Variants in ADAM12 observed in about 807,000 individuals in gnomAD.
ADAM12 encodes the protein ADAM metallopeptidase domain 12.
ADAM12 carries 70 observed loss-of-function variants against 106.4 expected under a neutral mutation model. The observed-to-expected ratio is 0.66, with a 90% CI of 0.54 to 0.80. The LOEUF (loss-of-function observed/expected upper bound fraction) is 0.80. Ranked by LOEUF, ADAM12 falls within the 30% of genes least tolerant of loss-of-function variation. The pLI is 0.00. For synonymous variants in ADAM12, 420 were observed against 433.5 expected, an observed-to-expected ratio of 0.97 and a Z score of 0.39; for missense variants, 1,010 against 1,171.9, an observed-to-expected ratio of 0.86 and a Z score of 2.02.
chr10:126,206,865 G>GGC lies in ADAM12; in HGVS notation c.261-51561_261-51560insGC, dbSNP rs1554986910. Among the ~76,000 whole-genome samples the GGC allele has an allele frequency of 2.1e-5, 3 of 144,418 alleles. 1 individual carries two copies. The highest frequency in any genetic ancestry group is 4.7e-5 in the Non-Finnish European group (3 of 64,514). The allele number at this position is 144,418 out of a possible 152,430, so 94.7% of individuals were successfully genotyped here. A position where few individuals can be genotyped will look rare whatever the true frequency, so the allele number is the denominator to read the frequency against. ...ATTCCCATGTGTTGTGGGGGCGGGG[G>GGC]GGAGCCAGTGGGAGGTAATTGAATC... On this transcript the variant is annotated intron_variant, in intron 3 of 22. Transcript: ENST00000448723.
intron 1 of ADAM12, among the ~76,000 whole-genome samples, chr10:126,335,475 G>T (rs1854667632): frequency 6.6e-6 from 1 of 152,152 alleles, no homozygotes; most frequent in Non-Finnish European, 1.5e-5. Flanking sequence ...AATTTTTTTA[G>T]CCCCTAAATA....
At chr10:126,132,350 C>A (rs116126860) in intron 5 of ADAM12, among the ~76,000 whole-genome samples, 2 of 152,166 alleles carry the variant, frequency 1.3e-5, no homozygotes, top group Non-Finnish European at 2.9e-5. Flanking sequence ...CAACACATGA[C>A]CTTTGAAGAA....
chr10:126,087,563 T>C (rs980168916), intron 11 of ADAM12, among the ~76,000 whole-genome samples: 5 of 152,212 alleles, frequency 3.3e-5, no homozygotes, highest in African/African-American at 1.2e-4. Context: ...CTTAAACTTT[T>C]CATTGAGAAA....
At chr10:126,104,334 T>C (rs1458966555) in intron 8 of ADAM12, among the ~76,000 whole-genome samples, 1 of 151,300 alleles carries the variant, frequency 6.6e-6, no homozygotes, top group Non-Finnish European at 1.5e-5. Flanking sequence ...CCTGTAATCC[T>C]AGCTACTCGG....
chr10:126,227,070 C>T (rs114521324), intron 3 of ADAM12, among the ~76,000 whole-genome samples: 1 of 152,262 alleles, frequency 6.6e-6, no homozygotes, highest in African/African-American at 2.4e-5. Context: ...ATCATCAATA[C>T]TTGCCCTGTC....
chr10:126,018,699 G>A (rs768230397), intron 22 of ADAM12, among the ~76,000 whole-genome samples: 9 of 152,140 alleles, frequency 5.9e-5, no homozygotes, highest in African/African-American at 2.2e-4. Flanking sequence ...ACCAGGGTAA[G>A]CTGGCTCCCC....
At chr10:126,135,783 T>C in intron 4 of ADAM12, 123 bp from the exon 5 acceptor site, 1 of 849,388 alleles carries the variant, frequency 1.2e-6, no homozygotes, top group Non-Finnish European at 1.9e-6. Context: ...TGTTCTACAG[T>C]CTTAATATTT....
intron 3 of ADAM12, among the ~76,000 whole-genome samples, chr10:126,229,370 C>A (rs759737623): frequency 6.6e-6 from 1 of 152,176 alleles, no homozygotes; most frequent in Non-Finnish European, 1.5e-5. Flanking sequence ...CTGGGCATGG[C>A]AGTTCTGAGG....
intron 2 of ADAM12, among the ~76,000 whole-genome samples, chr10:126,291,674 G>A (rs1248196137): frequency 6.6e-6 from 1 of 152,190 alleles, no homozygotes; most frequent in Admixed American, 6.5e-5. Flanking sequence ...GGTGCACGCT[G>A]AGGCTGGAGG....
Position 126,155,297 on chromosome 10 carries a change from A to G in ADAM12, c.269T>C (p.Ile90Thr), listed in dbSNP as rs1162816729. Residue 90 changes from isoleucine to threonine, a missense_variant, in exon 4 of 23, where the codon ATT becomes ACT. Transcript: ENST00000448723. ...GTGGGTTTCCGTGAAACTGCTGGCA[A>G]TGAGACCTCTGCGGAAAAACAAAAA... Reference protein sequence around the residue: ...IINLERNEGLIASSFTETHYL... With the variant: ...IINLERNEGLTASSFTETHYL... 1.9e-6 allele frequency: 3 copies of G among 1,613,964 alleles called. No individual in the cohort carries two copies. Among genetic ancestry groups the G allele is most frequent in the South Asian group, 1.1e-5 (1 of 91,076 alleles).
intron 3 of ADAM12, among the ~76,000 whole-genome samples, chr10:126,203,652 A>G (rs921536427): frequency 2.0e-5 from 3 of 152,202 alleles, no homozygotes; most frequent in Non-Finnish European, 4.4e-5. Flanking sequence ...TACCCTAAAT[A>G]CCCTTTGCTT....
chr10:126,082,981 G>C (rs893449907), intron 11 of ADAM12, among the ~76,000 whole-genome samples: 3 of 152,220 alleles, frequency 2.0e-5, no homozygotes, highest in Non-Finnish European at 4.4e-5. Flanking sequence ...ACCACACACA[G>C]AATTTATGTG....
At chr10:126,172,109 C>T (rs1957130521) in intron 3 of ADAM12, among the ~76,000 whole-genome samples, 1 of 152,180 alleles carries the variant, frequency 6.6e-6, no homozygotes, top group Non-Finnish European at 1.5e-5. Flanking sequence ...GATCTCCAAA[C>T]TTACTGAATT....
chr10:126,023,108 T>C (rs1211717403), intron 21 of ADAM12, among the ~76,000 whole-genome samples: 1 of 152,236 alleles, frequency 6.6e-6, no homozygotes, highest in Admixed American at 6.5e-5. Flanking sequence ...ATGCCAGAGA[T>C]GCCCCAGAGA....
intron 3 of ADAM12, among the ~76,000 whole-genome samples, chr10:126,164,268 CAA>C (rs779643842): frequency 6.6e-6 from 1 of 152,186 alleles, no homozygotes; most frequent in Non-Finnish European, 1.5e-5. Context: ...CAAAGTGTCA[CAA>C]GACAGTTCTT....
intron 2 of ADAM12, among the ~76,000 whole-genome samples, chr10:126,323,655 A>C (rs911952496): frequency 1.3e-5 from 2 of 152,174 alleles, no homozygotes; most frequent in Non-Finnish European, 2.9e-5. Flanking sequence ...GCCCTGAGGG[A>C]GGGCACAGGC....
chr10:126,131,163 A>C (rs1325399557), intron 5 of ADAM12, among the ~76,000 whole-genome samples: 3 of 126,832 alleles, frequency 2.4e-5, no homozygotes, highest in Admixed American at 9.2e-5. Flanking sequence ...TCTTTGGTAC[A>C]TTCACCCCTT....
Position 126,064,015 on chromosome 10 carries a change from G to A in ADAM12, c.1609+791C>T, listed in dbSNP as rs1339648600. On this transcript the variant is annotated intron_variant, in intron 14 of 22. Transcript: ENST00000448723. The surrounding 1 kb of genome is among the most constrained non-coding windows in gnomAD (Gnocchi z 4.4). Reference sequence around the variant, plus strand: ...TGGGCATTGGGTCACAGTAACCCAGGTTCAAATCCTAGCCCGGAGACCTGG... The same window carrying A: ...TGGGCATTGGGTCACAGTAACCCAGATTCAAATCCTAGCCCGGAGACCTGG... Among the ~76,000 whole-genome samples the A allele has an allele frequency of 6.6e-6, 1 of 152,194 alleles. No individual in the cohort carries two copies. The highest frequency in any genetic ancestry group is 1.5e-5 in the Non-Finnish European group (1 of 68,036).
intron 3 of ADAM12, among the ~76,000 whole-genome samples, chr10:126,242,219 T>G (rs1355392723): frequency 1.3e-5 from 2 of 152,214 alleles, no homozygotes; most frequent in African/African-American, 4.8e-5. Context: ...TCCTAACACT[T>G]TAGTTTTAAG....
Sources: gnomAD v4.1 joint callset for allele counts (sites outside exome capture counted in the v4.1 genomes callset) on GRCh38, gnomAD v4.1.1 for gene constraint, Gnocchi (gnomAD v3.1) non-coding constraint, MANE v1.5 for transcripts, NCBI Gene and HGNC (gene_info 2026-07-23, HGNC 2026-07-21) for gene names.